Variants in KCNC4 observed in about 807,000 individuals in gnomAD.
KCNC4 encodes the protein voltage-gated potassium channel KCNC4.
Under a neutral mutation model 42.8 loss-of-function variants are expected in KCNC4, and 23 were observed. The ratio of observed to expected loss-of-function variants is 0.54; its 90% CI spans 0.39 to 0.76. The LOEUF (loss-of-function observed/expected upper bound fraction) is 0.76. Among genes scored for constraint, KCNC4 ranks in the 30% least tolerant of loss-of-function variants. The pLI is 0.00. For synonymous variants in KCNC4, 422 were observed against 393.5 expected (o/e 1.07, Z -0.86); for missense variants, 751 against 898.2 (o/e 0.84, Z 2.10).
At chr1:110,214,713 T>G (rs1325518546) in intron 1 of KCNC4, among the ~76,000 whole-genome samples, 1 of 152,228 alleles carries the variant, frequency 6.6e-6, no homozygotes, top group Non-Finnish European at 1.5e-5. Flanking sequence ...TTACAACACC[T>G]TCTTTCCACT....
chr1:110,213,036 A>G (rs571229564), intron 1 of KCNC4, among the ~76,000 whole-genome samples: 1 of 151,878 alleles, frequency 6.6e-6, no homozygotes, highest in Non-Finnish European at 1.5e-5. Flanking sequence ...AAATGGGTGT[A>G]TGAGGGAAGG....
intron 1 of KCNC4, chr1:110,221,576 A>G (rs1370593509): frequency 6.6e-6 from 1 of 152,194 alleles, no homozygotes; most frequent in Non-Finnish European, 1.5e-5. Context: ...ACTAAGAACA[A>G]GGTATGCCCT....
downstream of KCNC4, chr1:110,238,608 A>G (rs1008707311): frequency 2.6e-5 from 4 of 152,000 alleles, no homozygotes; most frequent in Non-Finnish European, 1.5e-5. Flanking sequence ...TCCCTTCCCC[A>G]TGCACTCCCT....
downstream of KCNC4, chr1:110,249,231 GC>G (rs1659208715): frequency 6.6e-6 from 1 of 152,208 alleles, no homozygotes; most frequent in African/African-American, 2.4e-5. Flanking sequence ...AGAAGAGCAG[GC>G]CCCTTTTTTT....
At chr1:110,252,353 C>G (rs1273225906), downstream of KCNC4, among the ~76,000 whole-genome samples, 1 of 151,612 alleles carries the variant, frequency 6.6e-6, no homozygotes, top group Non-Finnish European at 1.5e-5. Flanking sequence ...TGAATTCCTT[C>G]CCTACCTTGG....
At chr1:110,278,129 C>T (rs11102077) in intron 1 of KCNC4, among the ~76,000 whole-genome samples, 2 of 137,898 alleles carry the variant, frequency 1.5e-5, no homozygotes, top group South Asian at 2.3e-4. Context: ...CCTGGATGAC[C>T]GAATGAGATC....
intron 1 of KCNC4, among the ~76,000 whole-genome samples, chr1:110,262,578 C>G (rs148773289): frequency 6.6e-6 from 1 of 152,178 alleles, no homozygotes; most frequent in Non-Finnish European, 1.5e-5. Context: ...TTTTAAGGTC[C>G]ATTTACTTGA....
chr1:110,236,133 T>C (rs1658900146), downstream of KCNC4: 1 of 152,242 alleles, frequency 6.6e-6, no homozygotes, highest in Admixed American at 6.5e-5. Flanking sequence ...CTGAAGTCCT[T>C]AGTCCTTATC....
At chr1:110,232,195 T>C in intron 3 of KCNC4, 1 of 1,611,664 alleles carries the variant, frequency 6.2e-7, no homozygotes, top group Non-Finnish European at 8.5e-7. Flanking sequence ...TAAGGTACTA[T>C]TTCCTGACCT....
rs974583107 is a variant in KCNC4 at position 110,233,705 on chromosome 1, G to A, written c.*733G>A. The A allele has an allele frequency of 6.6e-6, 1 of 152,534 alleles. No individual in the cohort carries two copies. Among genetic ancestry groups the A allele is most frequent in the African/African-American group, 2.4e-5 (1 of 41,458 alleles). 9.4% of individuals were successfully genotyped at this position (152,534 alleles called of 1,614,324 possible). On this transcript the variant is annotated 3_prime_UTR_variant, in exon 4 of 4. Transcript: ENST00000438661. ...AGATGCTGCTGGGCAGACAGGCAGG[G>A]AAAGGATCTGTCTGCCCATCTGGCC...
At chr1:110,215,304 C>T (rs1030845864) in intron 1 of KCNC4, among the ~76,000 whole-genome samples, 1 of 152,210 alleles carries the variant, frequency 6.6e-6, no homozygotes, top group Non-Finnish European at 1.5e-5. Flanking sequence ...GCTGTGGTTC[C>T]GTTTCTGTGG....
intron 1 of KCNC4, among the ~76,000 whole-genome samples, chr1:110,266,549 C>T (rs1288638541): frequency 6.6e-6 from 1 of 152,084 alleles, no homozygotes; most frequent in Admixed American, 6.5e-5. Context: ...CCCTAGCAAC[C>T]CTAGGAAGTA....
chr1:110,231,958 G>A (rs562825430), intron 3 of KCNC4, among the ~76,000 whole-genome samples: 11 of 152,266 alleles, frequency 7.2e-5, no homozygotes, highest in South Asian at 4.1e-4. Flanking sequence ...ACCTTGACAG[G>A]AGGCCTAGCC....
At chr1:110,248,932 A>G (rs1219123224) in exon 4 of KCNC4, 1 of 152,224 alleles carries the variant, frequency 6.6e-6, no homozygotes, top group Admixed American at 6.5e-5. Flanking sequence ...GAAAGATGAG[A>G]CGTTTTCAGG....
intron 3 of KCNC4, among the ~76,000 whole-genome samples, chr1:110,227,932 G>A (rs541604591): frequency 3.3e-5 from 5 of 152,310 alleles, no homozygotes; most frequent in Admixed American, 2.6e-4. Context: ...TGCCTGTGGG[G>A]CCTGTCTGCT....
chr1:110,225,838 A>G, intron 2 of KCNC4, 137 bp from the exon 3 acceptor site: 1 of 795,760 alleles, frequency 1.3e-6, no homozygotes, highest in East Asian at 2.5e-5. Flanking sequence ...GGCTCTGGCA[A>G]TGCTGCCTCT....
chr1:110,252,511 TG>T (rs1659265237), downstream of KCNC4, among the ~76,000 whole-genome samples: 1 of 152,160 alleles, frequency 6.6e-6, no homozygotes, highest in African/African-American at 2.4e-5. Flanking sequence ...TGAGCACAGA[TG>T]GAACTTGCCT....
intron 1 of KCNC4, among the ~76,000 whole-genome samples, chr1:110,212,464 C>G (rs1386380694): frequency 6.6e-6 from 1 of 152,194 alleles, no homozygotes; most frequent in African/African-American, 2.4e-5. Context: ...GTGCCCAGCT[C>G]AGCTCCTCCA....
At chr1:110,258,650 A>T (rs1009363932) in intron 1 of KCNC4, among the ~76,000 whole-genome samples, 2 of 152,228 alleles carry the variant, frequency 1.3e-5, no homozygotes, top group African/African-American at 4.8e-5. Context: ...ATTCACACAG[A>T]TGACTATTAA....
Sources: gnomAD v4.1 joint callset for allele counts (sites outside exome capture counted in the v4.1 genomes callset) on GRCh38, gnomAD v4.1.1 for gene constraint, MANE v1.5 for transcripts, NCBI Gene and HGNC (gene_info 2026-07-23, HGNC 2026-07-21) for gene names.